SLIT1: variants seen among roughly 807,000 people sequenced by gnomAD.
SLIT1 encodes the protein slit homolog 1 protein.
In SLIT1, 66 loss-of-function variants were observed where a neutral mutation model predicts 186.1. The observed-to-expected ratio is 0.35, with a 90% confidence interval of 0.29 to 0.44. The LOEUF (loss-of-function observed/expected upper bound fraction) is 0.44, where lower values mean the gene tolerates loss of function less well. SLIT1 is among the 20% of genes least tolerant of loss of function. The pLI is 1.00. For synonymous variants in SLIT1, 761 were observed against 833.8 expected, an observed-to-expected ratio of 0.91 and a Z score of 1.50; for missense variants, 1,638 against 2,037.4, an observed-to-expected ratio of 0.80 and a Z score of 3.77.
In SLIT1 at chr10:97,037,772, G is replaced by T. The variant is rs1011979467; in HGVS notation, c.2298-6C>A. On this transcript the variant is annotated splice_region_variant and splice_polypyrimidine_tract_variant and intron_variant, in intron 21 of 36. Transcript: ENST00000266058. ...ACTGGTTCCCGTCCAAATAGCTGCA[G>T]AGAGAACACAGCGGCGTTAGTGCCC... 1.6e-5 allele frequency: 26 copies of T among 1,601,816 alleles called. No homozygotes were observed. The highest frequency in any genetic ancestry group is 2.2e-5 in the Non-Finnish European group (26 of 1,169,904).
chr10:97,025,783 CT>C (rs1373737985), intron 25 of SLIT1, among the ~76,000 whole-genome samples: 1 of 152,194 alleles, frequency 6.6e-6, no homozygotes, highest in Non-Finnish European at 1.5e-5. Context: ...TGCCAAGGCC[CT>C]ACCCAGCTCC....
rs1849991240 is a variant in SLIT1, at chr10:97,159,010, G to A, written c.342-1121C>T. 2.6e-5 allele frequency among the ~76,000 whole-genome samples: 4 copies of A among 152,176 alleles called. No homozygotes were observed. In the South Asian group the frequency reaches 6.2e-4, roughly 24 times the overall value. ...ACAAAGAGAAATAACTAAGAGAAAC[G>A]TCATCTCTACAAAAAATACAAAAAA... On this transcript the variant is annotated intron_variant, in intron 3 of 36. Transcript: ENST00000266058.
At chr10:97,041,178 T>C (rs1349710949) in intron 20 of SLIT1, among the ~76,000 whole-genome samples, 1 of 152,108 alleles carries the variant, frequency 6.6e-6, no homozygotes, top group African/African-American at 2.4e-5. Flanking sequence ...GAGAGTGGAA[T>C]ATATACGTAG....
At chr10:97,044,708 A>C (rs1234312165) in intron 18 of SLIT1, among the ~76,000 whole-genome samples, 2 of 152,130 alleles carry the variant, frequency 1.3e-5, no homozygotes, top group Non-Finnish European at 2.9e-5. Context: ...ACCTCCCTGG[A>C]AGTGCATTTG....
intron 3 of SLIT1, among the ~76,000 whole-genome samples, chr10:97,158,267 G>C (rs1465876574): frequency 1.3e-5 from 2 of 152,134 alleles, no homozygotes; most frequent in East Asian, 3.8e-4. Context: ...ACTTGAAATG[G>C]GAGACATACC....
chr10:97,105,649 ATGAC>A (rs1849406303), intron 4 of SLIT1, among the ~76,000 whole-genome samples: 1 of 152,232 alleles, frequency 6.6e-6, no homozygotes, highest in South Asian at 2.1e-4. Context: ...AATCTAGAAG[ATGAC>A]TGCCTAACCA....
At chr10:97,002,415 G>GC in intron 35 of SLIT1, 46 bp from the exon 36 acceptor site, 1 of 1,456,336 alleles carries the variant, frequency 6.9e-7, no homozygotes, top group Non-Finnish European at 9.3e-7. Flanking sequence ...ACCCAGCCAA[G>GC]CCCCACCTGA....
chr10:97,081,106 A>G (rs1261178418), intron 4 of SLIT1, among the ~76,000 whole-genome samples: 2 of 151,988 alleles, frequency 1.3e-5, no homozygotes, highest in Non-Finnish European at 2.9e-5. Context: ...TGAGGGGCAG[A>G]CTCTTTGGGT....
At position 96,998,681 on chromosome 10, in the gene SLIT1, A is replaced by C. The variant is rs1848270895; in HGVS notation, c.*2431T>G. The C allele has an allele frequency of 6.6e-6, 1 of 152,336 alleles. No homozygotes were observed. The highest frequency in any genetic ancestry group is 6.5e-5 in the Admixed American group (1 of 15,290). The allele number at this position is 152,336 out of a possible 1,614,324, so 9.4% of individuals were successfully genotyped here. A position where few individuals can be genotyped will look rare whatever the true frequency, so the allele number is the denominator to read the frequency against. On this transcript the variant is annotated 3_prime_UTR_variant, in exon 37 of 37. Transcript: ENST00000266058. ...AGAAAAAGTTGATCCTGGGGCACAC[A>C]GCTCTCACATCATCTCATGGTGGAT...
At chr10:97,157,124 T>C (rs1427724282) in intron 4 of SLIT1, among the ~76,000 whole-genome samples, 1 of 152,106 alleles carries the variant, frequency 6.6e-6, no homozygotes, top group Non-Finnish European at 1.5e-5. Flanking sequence ...GGTGGTGAGC[T>C]CCCCATCACT....
intron 1 of SLIT1, among the ~76,000 whole-genome samples, chr10:97,173,984 C>G (rs1334661065): frequency 1.3e-5 from 2 of 152,214 alleles, no homozygotes; most frequent in African/African-American, 4.8e-5. Context: ...CCTCCGTTCC[C>G]TTCAATATCA....
At chr10:97,011,507 T>G (rs1235607098) in intron 30 of SLIT1, among the ~76,000 whole-genome samples, 1 of 152,056 alleles carries the variant, frequency 6.6e-6, no homozygotes, top group Non-Finnish European at 1.5e-5. Flanking sequence ...GCACCCTCCC[T>G]GTTCTCCCAG....
chr10:97,084,924 CTTTTTTTTT>C (rs34001660), intron 4 of SLIT1, among the ~76,000 whole-genome samples: 1 of 126,164 alleles, frequency 7.9e-6, no homozygotes, highest in Non-Finnish European at 1.6e-5. Context: ...CTTTTCTTTC[CTTTTTTTTT>C]TTTTTTTTGA....
chr10:97,104,193 G>T (rs140140087), intron 4 of SLIT1, among the ~76,000 whole-genome samples: 3 of 152,236 alleles, frequency 2.0e-5, no homozygotes, highest in South Asian at 2.1e-4. Context: ...AAGGAAGAAG[G>T]GAGTGAGCCC....
chr10:97,057,816 T>C (rs946471168), intron 11 of SLIT1: 4 of 558,032 alleles, frequency 7.2e-6, no homozygotes, highest in African/African-American at 5.6e-5. Flanking sequence ...GTATAGGTTT[T>C]TTAAAAAAAC....
At chr10:97,015,174 G>C (rs767479734) in intron 28 of SLIT1, among the ~76,000 whole-genome samples, 20 of 152,216 alleles carry the variant, frequency 1.3e-4, no homozygotes, top group Non-Finnish European at 2.6e-4. Flanking sequence ...TAAAAAGGTG[G>C]CATCTGTCCC....
Position 97,112,564 on chromosome 10 carries a change from A to G in SLIT1, c.413+45254T>C, listed in dbSNP as rs1387193808. On this transcript the variant is annotated intron_variant, in intron 4 of 36. Transcript: ENST00000266058. ...CCAATTTGATCTTCACAACCACACT[A>G]TGAGGTACTACCATCCCCATTTCAC... is the stretch of plus-strand genomic sequence containing the variant. 3.9e-5 allele frequency among the ~76,000 whole-genome samples: 6 copies of G among 152,302 alleles called. No individual in the cohort carries two copies. In the East Asian group the frequency reaches 1.2e-3, roughly 29 times the overall value.
rs189068901 is a variant in SLIT1, at chr10:97,139,409, T to G, written c.413+18409A>C. Reference sequence around the variant, plus strand: ...TTTCCTAAATGTTTCCTAAGCACTGTGGAGAGGAGAGCTGGTCACACACAC... The same window carrying G: ...TTTCCTAAATGTTTCCTAAGCACTGGGGAGAGGAGAGCTGGTCACACACAC... On this transcript the variant is annotated intron_variant, in intron 4 of 36. Coordinates refer to ENST00000266058, the MANE Select transcript of SLIT1 (RefSeq NM_003061.3). Among the ~76,000 whole-genome samples the G allele has an allele frequency of 4.8e-3, 730 of 152,328 alleles. 10 individuals are homozygous for G. The highest frequency in any genetic ancestry group is 0.015 in the African/African-American group (614 of 41,574).
intron 23 of SLIT1, 68 bp from the exon 24 acceptor site, chr10:97,031,745 C>T (rs1055018666): frequency 7.7e-7 from 1 of 1,305,312 alleles, no homozygotes. Context: ...CAGCCGCCGC[C>T]CAGGACGTGG....
Sources: allele counts gnomAD v4.1 joint callset (sites outside exome capture counted in the v4.1 genomes callset), GRCh38; gene constraint gnomAD v4.1.1; transcripts MANE v1.5; gene names NCBI Gene and HGNC (gene_info 2026-07-23, HGNC 2026-07-21).